The following CSMD1 variants were observed in gnomAD, a reference collection of about 807,000 sequenced individuals.
CSMD1 encodes CUB and Sushi multiple domains 1.
A neutral mutation model predicts 417.5 loss-of-function variants in CSMD1; 213 were observed. That is an observed-to-expected ratio of 0.51 (90% CI 0.46 to 0.57). CSMD1 has a LOEUF of 0.57. CSMD1 is among the 20% of genes least tolerant of loss of function. The pLI is 0.00. For synonymous variants in CSMD1, 2,862 were observed against 1,736.8 expected (o/e 1.65, Z -16.11); for missense variants, 6,923 against 4,529.7 (o/e 1.53, Z -15.17).
At chr8:3,039,526 GTTCC>G (rs1435342235) in intron 50 of CSMD1, among the ~76,000 whole-genome samples, 3 of 126,112 alleles carry the variant, frequency 2.4e-5, no homozygotes, top group Non-Finnish European at 3.2e-5. Flanking sequence ...TCCCTCCTTC[GTTCC>G]TTCCTTCTTT....
At chr8:3,847,861 G>A (rs186996458) in intron 5 of CSMD1, among the ~76,000 whole-genome samples, 9 of 152,162 alleles carry the variant, frequency 5.9e-5, no homozygotes, top group Non-Finnish European at 7.4e-5. Flanking sequence ...CCCATTATGC[G>A]CTCCCTATAG....
chr8:3,450,140 G>A (rs116651524), intron 12 of CSMD1, among the ~76,000 whole-genome samples: 1,829 of 152,202 alleles, frequency 0.012, 46 homozygotes, highest in African/African-American at 0.042. Context: ...GATTTGCTTC[G>A]ATGACGAACG....
intron 3 of CSMD1, among the ~76,000 whole-genome samples, chr8:4,158,712 C>A (rs1029944700): frequency 6.6e-6 from 1 of 152,090 alleles, no homozygotes; most frequent in Admixed American, 6.6e-5. Context: ...CCACCCCATT[C>A]AGTCCTTATC....
chr8:3,999,284 C>G (rs1484041018), intron 4 of CSMD1, among the ~76,000 whole-genome samples: 1 of 151,998 alleles, frequency 6.6e-6, no homozygotes, highest in African/African-American at 2.4e-5. Flanking sequence ...GGGGAGTTTG[C>G]TGTAAGCAGA....
At chr8:4,186,058 G>T (rs1400680270) in intron 3 of CSMD1, among the ~76,000 whole-genome samples, 5 of 152,134 alleles carry the variant, frequency 3.3e-5, no homozygotes, top group Non-Finnish European at 7.3e-5. Flanking sequence ...CCTGGATTCT[G>T]CACGTGTGGA....
intron 5 of CSMD1, among the ~76,000 whole-genome samples, chr8:3,769,492 G>C (rs958558149): frequency 2.0e-4 from 25 of 124,418 alleles, no homozygotes; most frequent in African/African-American, 6.0e-4. Context: ...AGAAAATAGA[G>C]GATAAAAAAA....
intron 3 of CSMD1, among the ~76,000 whole-genome samples, chr8:4,313,792 G>T (rs564108549): frequency 6.6e-6 from 1 of 152,000 alleles, no homozygotes; most frequent in African/African-American, 2.4e-5. Context: ...AAGGCAGGCG[G>T]ATCAAAAGGT....
intron 5 of CSMD1, among the ~76,000 whole-genome samples, chr8:3,972,512 T>G (rs1022490617): frequency 1.3e-5 from 2 of 152,202 alleles, no homozygotes; most frequent in East Asian, 3.8e-4. Context: ...TGTCATTCTT[T>G]AGGAATATGG....
intron 4 of CSMD1, among the ~76,000 whole-genome samples, chr8:4,005,261 A>G (rs907863057): frequency 8.5e-5 from 13 of 152,086 alleles, no homozygotes; most frequent in African/African-American, 3.1e-4. Context: ...ACCAAACACC[A>G]TCTACACCCC....
At chr8:4,021,430 C>A (rs942552717) in intron 4 of CSMD1, among the ~76,000 whole-genome samples, 1 of 152,166 alleles carries the variant, frequency 6.6e-6, no homozygotes, top group East Asian at 1.9e-4. Context: ...GAGTGGACAG[C>A]ACTGCTCTAA....
chr8:3,233,961 G>C (rs1799004067), intron 26 of CSMD1, among the ~76,000 whole-genome samples: 1 of 152,178 alleles, frequency 6.6e-6, no homozygotes, highest in African/African-American at 2.4e-5. Flanking sequence ...GTTGTGAGTT[G>C]CATGCATCTA....
chr8:3,257,850 G>T lies in CSMD1; in HGVS notation c.4153+26294C>A, dbSNP rs7006272. Among the ~76,000 whole-genome samples the T allele has an allele frequency of 2.4e-3, 371 of 152,244 alleles. 1 individual carries two copies. Among genetic ancestry groups the T allele is most frequent in the African/African-American group, 8.0e-3 (331 of 41,540 alleles). ...ATTGCAGGCAGCTGCAAGGGACTTG[G>T]GGCTTGACTCAGTGATCCAGGGGCC... On this transcript the variant is annotated intron_variant, in intron 26 of 69. Transcript: ENST00000635120.
At chr8:3,770,775 A>C (rs1167131638) in intron 5 of CSMD1, among the ~76,000 whole-genome samples, 4 of 152,052 alleles carry the variant, frequency 2.6e-5, no homozygotes, top group African/African-American at 9.7e-5. Context: ...CCCATACTTA[A>C]TTGCAGTTTT....
At chr8:3,691,383 C>A (rs538468269) in intron 7 of CSMD1, among the ~76,000 whole-genome samples, 5 of 150,448 alleles carry the variant, frequency 3.3e-5, no homozygotes, top group Admixed American at 3.3e-4. Context: ...AAAAACAAAA[C>A]AAAAAAACAA....
At chr8:3,680,246 G>A (rs189038065) in intron 7 of CSMD1, among the ~76,000 whole-genome samples, 53 of 152,228 alleles carry the variant, frequency 3.5e-4, no homozygotes, top group Non-Finnish European at 2.9e-4. Flanking sequence ...ATGAATCCAG[G>A]AGCTGGTTTT....
At chr8:3,102,000 C>A (rs1231271979) in intron 46 of CSMD1, among the ~76,000 whole-genome samples, 3 of 151,950 alleles carry the variant, frequency 2.0e-5, no homozygotes, top group African/African-American at 7.3e-5. Flanking sequence ...CAGCGTTTCA[C>A]CATGTTGGCC....
intron 2 of CSMD1, among the ~76,000 whole-genome samples, chr8:4,496,590 G>T (rs1402110682): frequency 6.6e-6 from 1 of 152,056 alleles, no homozygotes; most frequent in Admixed American, 6.6e-5. Context: ...TGCTCCTTGT[G>T]GCTCTCTTGT....
intron 1 of CSMD1, among the ~76,000 whole-genome samples, chr8:4,769,936 G>A (rs28634240): frequency 6.6e-6 from 1 of 151,752 alleles, no homozygotes; most frequent in Non-Finnish European, 1.5e-5. Flanking sequence ...TTAAAAATAA[G>A]AACAATAACA....
chr8:4,911,557 A>G (rs112211938), intron 1 of CSMD1, among the ~76,000 whole-genome samples: 39 of 152,326 alleles, frequency 2.6e-4, no homozygotes, highest in Middle Eastern at 3.4e-3. Flanking sequence ...TTTACTGCTA[A>G]TACCTGCCCT....
Sources: gnomAD v4.1 joint callset for allele counts (sites outside exome capture counted in the v4.1 genomes callset) on GRCh38, gnomAD v4.1.1 for gene constraint, MANE v1.5 for transcripts, NCBI Gene and HGNC (gene_info 2026-07-23, HGNC 2026-07-21) for gene names.